Variants in RANBP2 observed in about 807,000 individuals in gnomAD.
RANBP2 encodes the protein E3 SUMO-protein ligase RanBP2.
RANBP2 carries 57 observed loss-of-function variants against 303.6 expected under a neutral mutation model. The ratio of observed to expected loss-of-function variants is 0.19; its 90% CI spans 0.15 to 0.23. The LOEUF (loss-of-function observed/expected upper bound fraction) is 0.23, where lower values mean the gene tolerates loss of function less well. Ranked by LOEUF, RANBP2 falls within the 10% of genes least tolerant of loss-of-function variation. The probability of loss-of-function intolerance (pLI) is 1.00; values close to 1 mark genes in which losing one functional copy is unlikely to be tolerated. For missense variants in RANBP2, 3,138 were observed against 3,780.8 expected, an observed-to-expected ratio of 0.83 and a Z score of 4.46; for synonymous variants, 1,167 against 1,301.5, an observed-to-expected ratio of 0.90 and a Z score of 2.23.
At chr2:109,033,465 G>T in the RANBP2 span, among the ~76,000 whole-genome samples, 1 of 152,182 alleles carries the variant, frequency 6.6e-6, no homozygotes, top group Non-Finnish European at 1.5e-5. Context: ...CTTTAATCAG[G>T]TGCTGTAGCT....
the RANBP2 span, among the ~76,000 whole-genome samples, chr2:109,051,335 T>G: frequency 6.6e-6 from 1 of 152,202 alleles, no homozygotes; most frequent in African/African-American, 2.4e-5. Flanking sequence ...TGTCTGTGTT[T>G]CACTGTGAAG....
chr2:108,812,865 C>A, the RANBP2 span: 1 of 1,613,458 alleles, frequency 6.2e-7, no homozygotes, highest in South Asian at 1.1e-5. Flanking sequence ...AGGAAGTTCC[C>A]ATGCTGTTCA....
chr2:109,558,466 G>A, the RANBP2 span, among the ~76,000 whole-genome samples: 1 of 152,222 alleles, frequency 6.6e-6, no homozygotes, highest in South Asian at 2.1e-4. Context: ...GTGATTAACT[G>A]TGGGAAAGAG....
the RANBP2 span, among the ~76,000 whole-genome samples, chr2:108,838,102 C>T: frequency 6.6e-6 from 1 of 151,996 alleles, no homozygotes; most frequent in Admixed American, 6.6e-5. Flanking sequence ...TAGGGGTGGT[C>T]CCTAGTGACT....
the RANBP2 span, chr2:109,129,921 G>A: frequency 4.7e-6 from 7 of 1,499,444 alleles, no homozygotes; most frequent in Admixed American, 2.1e-5. Context: ...GGCCCCGCGC[G>A]GGCACCAGCC....
At chr2:109,454,361 G>A in the RANBP2 span, among the ~76,000 whole-genome samples, 1 of 152,148 alleles carries the variant, frequency 6.6e-6, no homozygotes, top group African/African-American at 2.4e-5. Flanking sequence ...ACTCCTGAAG[G>A]GTCTGGGCCA....
At chr2:109,145,024 C>T in the RANBP2 span, among the ~76,000 whole-genome samples, 1 of 152,214 alleles carries the variant, frequency 6.6e-6, no homozygotes, top group African/African-American at 2.4e-5. Context: ...CTCAGGGCTC[C>T]GTGTCAGGAA....
At chr2:108,906,277 C>A in the RANBP2 span, 1 of 1,607,062 alleles carries the variant, frequency 6.2e-7, no homozygotes, top group Admixed American at 1.7e-5. Context: ...GGGGTGGGCA[C>A]CACCTCTCCC....
At chr2:109,711,772 T>C in the RANBP2 span, among the ~76,000 whole-genome samples, 1 of 152,056 alleles carries the variant, frequency 6.6e-6, no homozygotes, top group South Asian at 2.1e-4. Flanking sequence ...ACACTCAGAG[T>C]GAAGCAGCCC....
At chr2:109,569,432 CTT>C in the RANBP2 span, among the ~76,000 whole-genome samples, 1 of 123,968 alleles carries the variant, frequency 8.1e-6, no homozygotes, top group African/African-American at 3.2e-5. Flanking sequence ...GAGCAAAACT[CTT>C]GTTAAAAAAA....
the RANBP2 span, among the ~76,000 whole-genome samples, chr2:109,119,163 G>C: frequency 1.3e-5 from 2 of 152,238 alleles, no homozygotes; most frequent in East Asian, 3.9e-4. Flanking sequence ...TGGAGTTCCT[G>C]GACAGAATGG....
At chr2:109,063,831 T>C in the RANBP2 span, among the ~76,000 whole-genome samples, 1 of 152,080 alleles carries the variant, frequency 6.6e-6, no homozygotes, top group South Asian at 2.1e-4. Flanking sequence ...CAACGTAGTG[T>C]CTTCTGCAAA....
intron 28 of RANBP2, among the ~76,000 whole-genome samples, chr2:108,783,325 C>A (rs1369578998): frequency 8.6e-6 from 1 of 116,634 alleles, no homozygotes; most frequent in African/African-American, 3.7e-5. Flanking sequence ...AGTGAGACAG[C>A]CTGTCATTAA....
At chr2:109,460,306 C>T in the RANBP2 span, among the ~76,000 whole-genome samples, 1 of 152,190 alleles carries the variant, frequency 6.6e-6, no homozygotes, top group Non-Finnish European at 1.5e-5. Context: ...TTGCCCCTTC[C>T]TTGATGGAGG....
At chr2:109,545,422 T>A in the RANBP2 span, 1 of 1,536,020 alleles carries the variant, frequency 6.5e-7, no homozygotes, top group East Asian at 2.4e-5. Flanking sequence ...ATCCACATGC[T>A]ACTCATGGCT....
chr2:109,407,323 GAC>G, the RANBP2 span, among the ~76,000 whole-genome samples: 5 of 152,342 alleles, frequency 3.3e-5, no homozygotes, highest in African/African-American at 9.6e-5. Flanking sequence ...AACATCAAAA[GAC>G]AGCATTTCTC....
chr2:109,072,271 G>A, the RANBP2 span, among the ~76,000 whole-genome samples: 1 of 152,218 alleles, frequency 6.6e-6, no homozygotes, highest in Non-Finnish European at 1.5e-5. Flanking sequence ...TGTGTCTAAT[G>A]TGAGTGTGTT....
the RANBP2 span, among the ~76,000 whole-genome samples, chr2:109,182,163 A>G: frequency 6.6e-6 from 1 of 152,220 alleles, no homozygotes; most frequent in Non-Finnish European, 1.5e-5. Context: ...CACAAACTGG[A>G]TAACTTATAA....
At chr2:109,489,709 G>A in the RANBP2 span, among the ~76,000 whole-genome samples, 1 of 134,270 alleles carries the variant, frequency 7.4e-6, no homozygotes, top group African/African-American at 2.8e-5. Flanking sequence ...GAAGAGAAAG[G>A]AAAACAAGTG....
Sources: gnomAD v4.1 joint callset for allele counts (sites outside exome capture counted in the v4.1 genomes callset) on GRCh38, gnomAD v4.1.1 for gene constraint, MANE v1.5 for transcripts, NCBI Gene and HGNC (gene_info 2026-07-23, HGNC 2026-07-21) for gene names.